IL1R1: variants seen among roughly 807,000 people sequenced by gnomAD.
The protein encoded by IL1R1 is interleukin-1 receptor type 1.
Under a neutral mutation model 50.2 loss-of-function variants are expected in IL1R1, and 22 were observed. The observed-to-expected ratio is 0.44, with a 90% CI of 0.31 to 0.63. IL1R1 has a LOEUF of 0.63. Among genes scored for constraint, IL1R1 ranks in the 20% least tolerant of loss-of-function variants. IL1R1 has a pLI of 0.07. For synonymous variants in IL1R1, 251 were observed against 236.7 expected, an observed-to-expected ratio of 1.06 and a Z score of -0.55; for missense variants, 509 against 676.2, an observed-to-expected ratio of 0.75 and a Z score of 2.74.
At chr2:102,079,571 ATAT>A (rs1679118890) in intron 1 of IL1R1, among the ~76,000 whole-genome samples, 1 of 152,160 alleles carries the variant, frequency 6.6e-6, no homozygotes, top group African/African-American at 2.4e-5. Flanking sequence ...AAAGTATAAA[ATAT>A]TATTGAAAGT....
At position 102,154,028 on chromosome 2, in the gene IL1R1, T is replaced by A. The variant is rs2104509374; in HGVS notation, c.-7+11T>A. The A allele has an allele frequency of 6.6e-6, 1 of 152,480 alleles. No homozygotes were observed. The highest frequency in any genetic ancestry group is 2.4e-5 in the African/African-American group (1 of 41,574). 9.4% of individuals were successfully genotyped at this position (152,480 alleles called of 1,614,324 possible). On this transcript the variant is annotated intron_variant, in intron 2 of 11. Coordinates refer to ENST00000410023, the MANE Select transcript of IL1R1 (RefSeq NM_000877.4). ...AAGGCCTTCTCCAAGGTAACAGGGC[T>A]GAGTCACCCCAGGGTCCCAAGGCCG...
At chr2:102,176,284 G>A (rs1434600611) in intron 11 of IL1R1, 69 bp from the exon 12 acceptor site, 25 of 1,404,612 alleles carry the variant, frequency 1.8e-5, no homozygotes, top group Non-Finnish European at 2.4e-5. Context: ...AGCCTTGTGT[G>A]GCTTTGGTTC....
intron 7 of IL1R1, 48 bp from the exon 8 acceptor site, chr2:102,171,753 A>C (rs762553148): frequency 1.8e-6 from 2 of 1,093,714 alleles, no homozygotes; most frequent in Non-Finnish European, 2.7e-6. Flanking sequence ...ATCTAGATAG[A>C]TCAGAAAAAA....
In IL1R1 at chr2:102,149,764, C is replaced by T. The variant is rs1024793; in HGVS notation, c.-83-4177C>T. On this transcript the variant is annotated intron_variant, in intron 1 of 11. Coordinates refer to ENST00000410023, the MANE Select transcript of IL1R1 (RefSeq NM_000877.4). ...CACCTACCTGTGTGCATGCTCAGGGCCCCTTCCAATATGGAAGGGAGCTGG... is the reference window on the plus strand; with the variant it reads ...CACCTACCTGTGTGCATGCTCAGGGTCCCTTCCAATATGGAAGGGAGCTGG... Among the ~76,000 whole-genome samples, 1,022 of 152,246 alleles carry T rather than the reference C, an allele frequency of 6.7e-3. 23 individuals carry two copies. The South Asian group carries it at 0.088, about 13-fold the overall frequency.
At chr2:102,108,535 G>A (rs533133366) in intron 1 of IL1R1, among the ~76,000 whole-genome samples, 2 of 151,828 alleles carry the variant, frequency 1.3e-5, no homozygotes, top group Non-Finnish European at 2.9e-5. Flanking sequence ...CCCAGAGGGC[G>A]GATCAATCAA....
intron 1 of IL1R1, among the ~76,000 whole-genome samples, chr2:102,123,469 CA>C (rs1425358193): frequency 1.3e-5 from 2 of 152,120 alleles, no homozygotes; most frequent in Non-Finnish European, 2.9e-5. Context: ...TAAATTGTAT[CA>C]AAATAATACT....
intron 9 of IL1R1, among the ~76,000 whole-genome samples, chr2:102,173,884 T>C (rs964928895): frequency 2.0e-5 from 3 of 152,352 alleles, no homozygotes; most frequent in East Asian, 1.9e-4. Flanking sequence ...GAAGCGACAG[T>C]ACTTAAGACC....
At chr2:102,125,735 A>T (rs773557845) in intron 1 of IL1R1, among the ~76,000 whole-genome samples, 2 of 152,196 alleles carry the variant, frequency 1.3e-5, no homozygotes, top group African/African-American at 4.8e-5. Context: ...ACAAGGTCTA[A>T]TTAGTTGTCT....
At chr2:102,070,404 A>G (rs1294368397) in exon 1 of IL1R1, 3 of 152,162 alleles carry the variant, frequency 2.0e-5, no homozygotes, top group Non-Finnish European at 4.4e-5. Context: ...GTATCTTTTC[A>G]TATCAAAAAT....
At chr2:102,091,209 G>C (rs1230059320) in intron 1 of IL1R1, among the ~76,000 whole-genome samples, 1 of 152,138 alleles carries the variant, frequency 6.6e-6, no homozygotes. Flanking sequence ...ATGGAAAACA[G>C]GTTATGTGCT....
intron 8 of IL1R1, 50 bp from the exon 9 acceptor site, chr2:102,172,637 A>G: frequency 6.7e-7 from 1 of 1,485,850 alleles, no homozygotes; most frequent in South Asian, 1.3e-5. Flanking sequence ...TCTTATTTGT[A>G]GTTGATGCAA....
At chr2:102,111,059 G>A (rs1444914685) in intron 1 of IL1R1, among the ~76,000 whole-genome samples, 1 of 151,982 alleles carries the variant, frequency 6.6e-6, no homozygotes, top group African/African-American at 2.4e-5. Context: ...TCTATGTATG[G>A]CCAATGAAGA....
At chr2:102,118,803 G>C (rs959436162) in intron 1 of IL1R1, among the ~76,000 whole-genome samples, 1 of 152,032 alleles carries the variant, frequency 6.6e-6, no homozygotes, top group Non-Finnish European at 1.5e-5. Flanking sequence ...GGATCATGAG[G>C]TCAGGAGATC....
At chr2:102,141,117 C>A (rs1231304263), upstream of IL1R1, among the ~76,000 whole-genome samples, 1 of 152,202 alleles carries the variant, frequency 6.6e-6, no homozygotes, top group Non-Finnish European at 1.5e-5. Flanking sequence ...CAGCATGGAG[C>A]CAGGCCCACC....
chr2:102,122,496 C>T (rs1229406959), intron 1 of IL1R1, among the ~76,000 whole-genome samples: 2 of 152,070 alleles, frequency 1.3e-5, no homozygotes, highest in Admixed American at 6.5e-5. Flanking sequence ...GCAACTGAAT[C>T]TAAAAAAAAC....
intron 1 of IL1R1, among the ~76,000 whole-genome samples, chr2:102,110,567 T>A (rs4851540): frequency 0.13 from 20,295 of 150,832 alleles, 1,585 homozygotes; most frequent in East Asian, 0.37. Flanking sequence ...AGGAGAAAGC[T>A]GCAAACTTAG....
At chr2:102,136,307 C>T (rs1317566468) in intron 1 of IL1R1, among the ~76,000 whole-genome samples, 1 of 152,090 alleles carries the variant, frequency 6.6e-6, no homozygotes, top group Non-Finnish European at 1.5e-5. Flanking sequence ...CTTCTCCCAA[C>T]CCCTGGGCCC....
rs78689520 is a variant in IL1R1, at chr2:102,096,302, G to A, written c.-84+25769G>A. ...AAAGTTTAAGCTGAACCTTCAGATA[G>A]GCACGTGTTCAAACTGTTTTCCAAA... On this transcript the variant is annotated intron_variant, in intron 1 of 11. Coordinates refer to the IL1R1 transcript ENST00000409929. Among the ~76,000 whole-genome samples, 1,172 of 152,254 alleles carry A rather than the reference G, an allele frequency of 7.7e-3. 9 individuals are homozygous for A. Among genetic ancestry groups the A allele is most frequent in the Middle Eastern group, 0.024 (7 of 294 alleles).
intron 2 of IL1R1, among the ~76,000 whole-genome samples, chr2:102,154,701 C>A (rs537774466): frequency 7.6e-4 from 115 of 152,240 alleles, no homozygotes; most frequent in Non-Finnish European, 1.5e-3. Context: ...ATGTTCCACA[C>A]AGGTGCCAAA....
Sources: allele counts gnomAD v4.1 joint callset (sites outside exome capture counted in the v4.1 genomes callset), GRCh38; gene constraint gnomAD v4.1.1; transcripts MANE v1.5; gene names NCBI Gene and HGNC (gene_info 2026-07-23, HGNC 2026-07-21).